ABR: variants seen among roughly 807,000 people sequenced by gnomAD.
The protein encoded by ABR is active breakpoint cluster region-related protein.
ABR carries 35 observed loss-of-function variants against 107.2 expected under a neutral mutation model. The observed-to-expected ratio is 0.33, with a 90% CI of 0.25 to 0.43. ABR has a LOEUF of 0.43. ABR is among the 20% of genes least tolerant of loss of function. ABR has a pLI of 1.00. For synonymous variants in ABR, 498 were observed against 462.0 expected, an observed-to-expected ratio of 1.08 and a Z score of -1.00; for missense variants, 815 against 1,115.2, an observed-to-expected ratio of 0.73 and a Z score of 3.83.
At chr17:1,130,328 A>T (rs1446242341) in intron 1 of ABR, among the ~76,000 whole-genome samples, 1 of 151,872 alleles carries the variant, frequency 6.6e-6, no homozygotes, top group Non-Finnish European at 1.5e-5. Context: ...GCCATTCTAG[A>T]TGCCTCCACA....
chr17:1,179,526 C>T lies in ABR; in HGVS notation c.61+141G>A. ...CCCCGATCCGGACCCCGATCTCGCC[C>T]CCGCCCGCGCTCCCCGGACCAGCCC... On this transcript the variant is annotated intron_variant, in intron 1 of 22. Transcript: ENST00000302538. The surrounding 1 kb of genome is among the most constrained non-coding windows in gnomAD (Gnocchi z 4.9). The T allele has an allele frequency of 1.1e-6, 1 of 913,266 alleles. No homozygotes were observed. Among genetic ancestry groups the T allele is most frequent in the Admixed American group, 4.1e-5 (1 of 24,620 alleles). The allele number at this position is 913,266 out of a possible 1,614,324, so 56.6% of individuals were successfully genotyped here. A position where few individuals can be genotyped will look rare whatever the true frequency, so the allele number is the denominator to read the frequency against.
At chr17:1,067,400 CA>C (rs1299869622) in intron 9 of ABR, among the ~76,000 whole-genome samples, 158 bp from the exon 10 acceptor site, 2 of 152,222 alleles carry the variant, frequency 1.3e-5, no homozygotes, top group African/African-American at 4.8e-5. Flanking sequence ...TTGGGAAACA[CA>C]CACTGGAGTG....
intron 1 of ABR, among the ~76,000 whole-genome samples, chr17:1,172,735 G>C: frequency 6.6e-6 from 1 of 151,546 alleles, no homozygotes; most frequent in Non-Finnish European, 1.5e-5. Flanking sequence ...GGGTGACAGA[G>C]CAAGACTCCA....
chr17:1,109,149 GC>G, intron 2 of ABR: 1 of 1,461,246 alleles, frequency 6.8e-7, no homozygotes, highest in Non-Finnish European at 9.1e-7. Context: ...GAGGAGGCGG[GC>G]GGGAGGGGGG....
chr17:1,054,318 T>C (rs1001712321), intron 14 of ABR, among the ~76,000 whole-genome samples: 12 of 152,190 alleles, frequency 7.9e-5, no homozygotes, highest in African/African-American at 2.7e-4. Context: ...TCATTCCACA[T>C]TTCTGAGCTC....
chr17:1,183,285 G>C (rs1243060376), upstream of ABR, among the ~76,000 whole-genome samples: 1 of 152,000 alleles, frequency 6.6e-6, no homozygotes, highest in Non-Finnish European at 1.5e-5. Flanking sequence ...ACAGTCCCTG[G>C]GGCCAGTGCT....
intron 5 of ABR, among the ~76,000 whole-genome samples, chr17:1,080,098 C>G (rs1315951128): frequency 6.6e-6 from 1 of 152,046 alleles, no homozygotes; most frequent in Non-Finnish European, 1.5e-5. Flanking sequence ...CATGAGGAAC[C>G]CATGAGGTAG....
intron 1 of ABR, among the ~76,000 whole-genome samples, chr17:1,221,371 T>C (rs28600984): frequency 0.28 from 42,909 of 152,000 alleles, 6,272 homozygotes; most frequent in African/African-American, 0.34. Context: ...CTGCCTGAAA[T>C]GTGAATGTGA....
At position 1,010,777 on chromosome 17, in the gene ABR, C is replaced by G; in HGVS notation, c.2188G>C (p.Glu730Gln). The G allele has an allele frequency of 1.2e-6, 2 of 1,613,804 alleles. No individual in the cohort carries two copies. The highest frequency in any genetic ancestry group is 1.7e-6 in the Non-Finnish European group (2 of 1,180,022). ...TAGAGTCGGTCCGTGAGGAGCGGCTCGGGCAGTTCCCGGAAGTACAGCTTG... is the reference window on the plus strand; with the variant it reads ...TAGAGTCGGTCCGTGAGGAGCGGCTGGGGCAGTTCCCGGAAGTACAGCTTG... ...TLKLYFRELP[E>Q]PLLTDRLYPA... is the part of the protein sequence containing the mutation. Residue 730 changes from glutamate to glutamine, a missense_variant, in exon 20 of 23, where the codon GAG becomes CAG. Transcript: ENST00000302538. The surrounding 1 kb of genome is among the most constrained non-coding windows in gnomAD (Gnocchi z 4.1).
At position 1,210,939 on chromosome 17, in the gene ABR, C is replaced by A. The variant is rs1320292341; in HGVS notation, c.838+17854G>T. ...AGCACTTGGCAAAGCCTGCCAAACT[C>A]TGGGGTGCTGGACTGGCTGCTGAAA... On this transcript the variant is annotated intron_variant, in intron 1 of 22. Transcript: ENST00000574139. The surrounding 1 kb of genome is among the most constrained non-coding windows in gnomAD (Gnocchi z 5.6). 1.3e-5 allele frequency among the ~76,000 whole-genome samples: 2 copies of A among 152,106 alleles called. No individual in the cohort carries two copies. The highest frequency in any genetic ancestry group is 4.8e-5 in the African/African-American group (2 of 41,452).
At chr17:1,046,598 A>C (rs976822376) in intron 16 of ABR, among the ~76,000 whole-genome samples, 6 of 151,844 alleles carry the variant, frequency 4.0e-5, no homozygotes, top group Non-Finnish European at 7.4e-5. Context: ...TGCCCAGAGG[A>C]CTCCAAGACA....
intron 1 of ABR, among the ~76,000 whole-genome samples, chr17:1,127,387 G>A (rs2039647993): frequency 6.6e-6 from 1 of 152,240 alleles, no homozygotes; most frequent in African/African-American, 2.4e-5. Flanking sequence ...ATAAGGCCCA[G>A]TGCCCTGGAG....
chr17:1,023,119 A>AGAGCCTCTGCCTGCCCCACGTCCGCTC (rs1167753663), intron 16 of ABR, among the ~76,000 whole-genome samples: 4 of 98,986 alleles, frequency 4.0e-5, no homozygotes, highest in African/African-American at 1.6e-4. Flanking sequence ...CACGTCCACT[A>AGAGCCTCTGCCTGCCCCACGTCCGCTC]CAGCGCCTCT....
At chr17:1,031,071 C>T (rs2072693893) in intron 16 of ABR, among the ~76,000 whole-genome samples, 5 of 152,316 alleles carry the variant, frequency 3.3e-5, no homozygotes, top group South Asian at 2.1e-4. Context: ...TGGTGCCCGG[C>T]GGGCACTGGG....
At chr17:1,214,183 C>T (rs2042956148) in intron 1 of ABR, among the ~76,000 whole-genome samples, 1 of 152,146 alleles carries the variant, frequency 6.6e-6, no homozygotes, top group Non-Finnish European at 1.5e-5. Context: ...CCGCTCCCGG[C>T]CTGAGATGTG....
intron 2 of ABR, among the ~76,000 whole-genome samples, chr17:1,113,303 T>TTTTTTTTTTG (rs1197152622): frequency 6.7e-6 from 1 of 148,238 alleles, no homozygotes. Flanking sequence ...TTTTTTTTTT[T>TTTTTTTTTTG]TGAGACGGAG....
intron 2 of ABR, among the ~76,000 whole-genome samples, chr17:1,107,268 A>C (rs1232673892): frequency 6.6e-6 from 1 of 152,216 alleles, no homozygotes; most frequent in East Asian, 1.9e-4. Context: ...CGTACACAGC[A>C]GGACACCTCT....
chr17:1,119,461 T>C (rs62067954), intron 2 of ABR, among the ~76,000 whole-genome samples: 3 of 117,504 alleles, frequency 2.6e-5, no homozygotes, highest in African/African-American at 3.7e-5. Flanking sequence ...GAGCCTGAGT[T>C]CTTCCCAGCG....
At chr17:1,140,267 G>A (rs113575679) in intron 1 of ABR, among the ~76,000 whole-genome samples, 2 of 152,176 alleles carry the variant, frequency 1.3e-5, no homozygotes, top group Admixed American at 6.5e-5. Flanking sequence ...GGACAGGAAG[G>A]GGGAGCTGGT....
Sources: gnomAD v4.1 joint callset for allele counts (sites outside exome capture counted in the v4.1 genomes callset) on GRCh38, gnomAD v4.1.1 for gene constraint, Gnocchi (gnomAD v3.1) non-coding constraint, MANE v1.5 for transcripts, NCBI Gene and HGNC (gene_info 2026-07-23, HGNC 2026-07-21) for gene names.